Variants in TNRC6B observed in about 807,000 individuals in gnomAD.
The protein encoded by TNRC6B is trinucleotide repeat-containing gene 6B protein.
Under a neutral mutation model 203.6 loss-of-function variants are expected in TNRC6B, and 52 were observed. The observed-to-expected ratio is 0.26, with a 90% CI of 0.20 to 0.32. TNRC6B has a LOEUF of 0.32. TNRC6B is among the 10% of genes least tolerant of loss of function. The probability of loss-of-function intolerance (pLI) is 1.00; values close to 1 mark genes in which losing one functional copy is unlikely to be tolerated. For missense variants in TNRC6B, 1,923 were observed against 2,286.2 expected (o/e 0.84, Z 3.24); for synonymous variants, 838 against 845.7 (o/e 0.99, Z 0.16).
intron 1 of TNRC6B, among the ~76,000 whole-genome samples, chr22:40,191,036 C>T (rs375262101): frequency 2.0e-5 from 3 of 152,136 alleles, no homozygotes; most frequent in African/African-American, 4.8e-5. Context: ...ATAATAAAGA[C>T]GACGCTTCGG....
At chr22:40,072,371 G>A (rs2067958027) in intron 1 of TNRC6B, among the ~76,000 whole-genome samples, 1 of 152,274 alleles carries the variant, frequency 6.6e-6, no homozygotes, top group African/African-American at 2.4e-5. Context: ...TGGGCAGTGG[G>A]ATGCAGATGT....
At chr22:40,292,905 C>CTTTCTGCA (rs1229914727) in intron 12 of TNRC6B, among the ~76,000 whole-genome samples, 1 of 152,204 alleles carries the variant, frequency 6.6e-6, no homozygotes, top group African/African-American at 2.4e-5. Context: ...TCTTTATATT[C>CTTTCTGCA]TTTCTGCATG....
chr22:40,087,999 T>C (rs558024704), intron 1 of TNRC6B, among the ~76,000 whole-genome samples: 4 of 152,298 alleles, frequency 2.6e-5, no homozygotes, highest in African/African-American at 9.6e-5. Flanking sequence ...GAGGGTCCTT[T>C]GTTAATAAAG....
chr22:40,126,546 G>C (rs1258282978), intron 3 of TNRC6B, among the ~76,000 whole-genome samples: 1 of 146,488 alleles, frequency 6.8e-6, no homozygotes, highest in East Asian at 2.0e-4. Flanking sequence ...ATGGCCTTCA[G>C]CTGTATCCCT....
rs2071408124 is a variant in TNRC6B, at chr22:40,326,780, G to A, written c.*3539G>A. The stretch of plus-strand genomic sequence containing the variant: ...ATTTTTGGAACAAATTTTAAATATA[G>A]GCATTACTAGAGGAAAATTATCTAT... On this transcript the variant is annotated 3_prime_UTR_variant, in exon 23 of 23. Coordinates refer to ENST00000454349, the MANE Select transcript of TNRC6B (RefSeq NM_001162501.2). 6.6e-6 allele frequency: 1 copy of A among 152,556 alleles called. No homozygotes were observed. Among genetic ancestry groups the A allele is most frequent in the Non-Finnish European group, 1.5e-5 (1 of 68,038 alleles). The allele number at this position is 152,556 out of a possible 1,614,324, so 9.5% of individuals were successfully genotyped here.
chr22:40,284,198 C>G (rs1347865782), intron 11 of TNRC6B, among the ~76,000 whole-genome samples: 1 of 152,132 alleles, frequency 6.6e-6, no homozygotes, highest in African/African-American at 2.4e-5. Flanking sequence ...CGTGATGAAT[C>G]TTTGATTTAT....
Position 40,266,162 on chromosome 22 carries a change from G to A in TNRC6B, c.1932G>A (p.Gly644=), listed in dbSNP as rs762080237. The change falls in exon 5 of 23, where the codon GGG becomes GGA. Residue 644 remains glycine, a synonymous_variant. Transcript: ENST00000454349. The part of the protein sequence containing the change: ...WDIEEVPRPE[G]KSDKGTEGWE... ...TTGAAGAGGTGCCAAGGCCTGAGGG[G>A]AAATCTGACAAAGGAACTGAGGGGT... 4.3e-6 allele frequency: 7 copies of A among 1,613,768 alleles called. No homozygotes were observed. Among genetic ancestry groups the A allele is most frequent in the Non-Finnish European group, 5.9e-6 (7 of 1,179,844 alleles).
intron 1 of TNRC6B, among the ~76,000 whole-genome samples, chr22:40,195,645 G>A (rs972795518): frequency 2.6e-5 from 4 of 152,126 alleles, no homozygotes; most frequent in Admixed American, 6.5e-5. Flanking sequence ...GTAGAGACGG[G>A]GCCTTGATAT....
intron 3 of TNRC6B, among the ~76,000 whole-genome samples, chr22:40,154,737 A>C (rs2068795742): frequency 6.9e-6 from 1 of 145,558 alleles, no homozygotes; most frequent in Non-Finnish European, 1.5e-5. Flanking sequence ...GCTGCTGGGG[A>C]AGCTGAGGCA....
At chr22:40,199,362 A>G (rs1388950464) in intron 1 of TNRC6B, among the ~76,000 whole-genome samples, 3 of 152,154 alleles carry the variant, frequency 2.0e-5, no homozygotes, top group Admixed American at 2.0e-4. Flanking sequence ...ATGCCACCTT[A>G]ACCAGGTAAT....
At chr22:40,211,964 T>G (rs1289295057) in intron 1 of TNRC6B, among the ~76,000 whole-genome samples, 1 of 152,218 alleles carries the variant, frequency 6.6e-6, no homozygotes, top group East Asian at 1.9e-4. Context: ...TGGATAGTCT[T>G]TCTTATTTCA....
intron 1 of TNRC6B, among the ~76,000 whole-genome samples, chr22:40,188,082 G>T (rs535805290): frequency 6.6e-6 from 1 of 152,068 alleles, no homozygotes; most frequent in Non-Finnish European, 1.5e-5. Context: ...TTAGCTGGGC[G>T]CCTGTAATCC....
chr22:40,066,530 G>A (rs1263940900), intron 1 of TNRC6B, among the ~76,000 whole-genome samples: 1 of 152,098 alleles, frequency 6.6e-6, no homozygotes, highest in Non-Finnish European at 1.5e-5. Context: ...TTTCTCATCT[G>A]GGTAATACTG....
chr22:40,146,449 C>G (rs1024685019), intron 3 of TNRC6B, among the ~76,000 whole-genome samples: 1 of 151,616 alleles, frequency 6.6e-6, no homozygotes, highest in Non-Finnish European at 1.5e-5. Context: ...AGGCTGGAGA[C>G]CAATGGCATG....
intron 1 of TNRC6B, among the ~76,000 whole-genome samples, chr22:40,051,351 G>T (rs1344387177): frequency 6.6e-6 from 1 of 152,180 alleles, no homozygotes. Flanking sequence ...CACCTTGGTT[G>T]TCCAGGCTGG....
intron 21 of TNRC6B, among the ~76,000 whole-genome samples, chr22:40,320,209 C>T (rs1015106955): frequency 5.9e-5 from 9 of 152,062 alleles, no homozygotes; most frequent in Admixed American, 2.6e-4. Context: ...GGGACAGGCG[C>T]GGTGGCTCAT....
Position 40,325,257 on chromosome 22 carries a change from C to T in TNRC6B, c.*2016C>T, listed in dbSNP as rs1424232023. 1 of 152,564 alleles carries T rather than the reference C, an allele frequency of 6.6e-6. No homozygotes were observed. The highest frequency in any genetic ancestry group is 6.5e-5 in the Admixed American group (1 of 15,274). 9.5% of individuals were successfully genotyped at this position (152,564 alleles called of 1,614,324 possible). A position where few individuals can be genotyped will look rare whatever the true frequency, so the allele number is the denominator to read the frequency against. ...CAGTGAAGGATACAATACAACAATGCCTAATGTATTTGACTTTTTAGCTTG... is the reference window on the plus strand; with the variant it reads ...CAGTGAAGGATACAATACAACAATGTCTAATGTATTTGACTTTTTAGCTTG... On this transcript the variant is annotated 3_prime_UTR_variant, in exon 23 of 23. Transcript: ENST00000454349.
intron 1 of TNRC6B, among the ~76,000 whole-genome samples, chr22:40,097,423 A>T (rs1402145476): frequency 1.3e-5 from 2 of 151,930 alleles, no homozygotes; most frequent in Non-Finnish European, 2.9e-5. Context: ...CTCCTGCTTC[A>T]GCCTCCCGAG....
At chr22:40,268,347 A>T (rs574275071) in intron 5 of TNRC6B, among the ~76,000 whole-genome samples, 4 of 152,136 alleles carry the variant, frequency 2.6e-5, no homozygotes. Flanking sequence ...CAGTCTACCA[A>T]AGTGCTGGGA....
Sources: allele counts gnomAD v4.1 joint callset (sites outside exome capture counted in the v4.1 genomes callset), GRCh38; gene constraint gnomAD v4.1.1; transcripts MANE v1.5; gene names NCBI Gene and HGNC (gene_info 2026-07-23, HGNC 2026-07-21).